Variants in KIRREL3 observed in about 807,000 individuals in gnomAD.
The protein encoded by KIRREL3 is kirre like nephrin family adhesion molecule 3, also known as kin of IRRE-like protein 3.
A neutral mutation model predicts 89.7 loss-of-function variants in KIRREL3; 36 were observed. That is an observed-to-expected ratio of 0.40 (90% CI 0.31 to 0.53). The LOEUF (loss-of-function observed/expected upper bound fraction) is 0.53, where lower values mean the gene tolerates loss of function less well. Among genes scored for constraint, KIRREL3 ranks in the 20% least tolerant of loss-of-function variants. KIRREL3 has a pLI of 0.49. For missense variants in KIRREL3, 864 were observed against 1,056.6 expected (o/e 0.82, Z 2.53); for synonymous variants, 445 against 441.4 (o/e 1.01, Z -0.10).
At chr11:126,533,544 C>A (rs1269101918) in intron 2 of KIRREL3, among the ~76,000 whole-genome samples, 3 of 152,200 alleles carry the variant, frequency 2.0e-5, no homozygotes, top group African/African-American at 7.2e-5. Context: ...CCTATGTTCA[C>A]CTTCTTTAGC....
rs1056520935 is a variant in KIRREL3 at position 126,697,293 on chromosome 11, G to C, written c.56-134381C>G. Among the ~76,000 whole-genome samples, 29 of 152,344 alleles carry C rather than the reference G, an allele frequency of 1.9e-4. No homozygotes were observed. The highest frequency in any genetic ancestry group is 7.0e-4 in the African/African-American group (29 of 41,580). On this transcript the variant is annotated intron_variant, in intron 1 of 16. Transcript: ENST00000525144. The surrounding 1 kb of genome is among the most constrained non-coding windows in gnomAD (Gnocchi z 4.2). The stretch of plus-strand genomic sequence containing the variant: ...CCTCTATTGCCCTAGGCCCTGGGGT[G>C]AACTGCAGCCAGCACTGGCCTTGCC...
intron 1 of KIRREL3, among the ~76,000 whole-genome samples, chr11:126,629,148 G>A (rs1943912942): frequency 6.6e-6 from 1 of 152,172 alleles, no homozygotes; most frequent in Admixed American, 6.5e-5. Context: ...CAAAAAATGT[G>A]CGTCTCATAT....
rs372083696 is a variant in KIRREL3, at chr11:126,450,507, ATG to A, written c.849-1352_849-1351del. ...TGGGTGTGAGTGTGTGCATGTGTGC[ATG>A]TGTGTGTGTGCATCTGCGTATGTGT... On this transcript the variant is annotated intron_variant, in intron 7 of 16. Transcript: ENST00000525144. Among the ~76,000 whole-genome samples the A allele has an allele frequency of 7.5e-3, 902 of 120,684 alleles. 1 individual carries two copies. The highest frequency in any genetic ancestry group is 0.022 in the African/African-American group (741 of 33,864). 79.2% of individuals were successfully genotyped at this position (120,684 alleles called of 152,430 possible).
At chr11:126,500,913 T>G (rs1006279407) in intron 4 of KIRREL3, among the ~76,000 whole-genome samples, 1 of 152,230 alleles carries the variant, frequency 6.6e-6, no homozygotes, top group South Asian at 2.1e-4. Context: ...ATAATTTACT[T>G]CATTCACAGC....
In KIRREL3 at chr11:126,724,256, C is replaced by T. The variant is rs1167515608; in HGVS notation, c.56-161344G>A. The stretch of plus-strand genomic sequence containing the variant: ...CACTTTCTGTGTAAGATTTCTGATT[C>T]CTGTCTCCTGCAGGTTGGTTCATTT... On this transcript the variant is annotated intron_variant, in intron 1 of 16. Coordinates refer to ENST00000525144, the MANE Select transcript of KIRREL3 (RefSeq NM_032531.4). The surrounding 1 kb of genome is among the most constrained non-coding windows in gnomAD (Gnocchi z 4.3). Among the ~76,000 whole-genome samples, 2 of 152,240 alleles carry T rather than the reference C, an allele frequency of 1.3e-5. No individual in the cohort carries two copies. The highest frequency in any genetic ancestry group is 2.9e-5 in the Non-Finnish European group (2 of 68,040).
chr11:126,929,779 C>T (rs1007963519), intron 1 of KIRREL3, among the ~76,000 whole-genome samples: 2 of 152,210 alleles, frequency 1.3e-5, no homozygotes, highest in African/African-American at 4.8e-5. Context: ...TCAGGCTGCA[C>T]ATTTGCCTAA....
chr11:126,829,253 T>C (rs1195473841), intron 1 of KIRREL3, among the ~76,000 whole-genome samples: 1 of 152,186 alleles, frequency 6.6e-6, no homozygotes, highest in Admixed American at 6.5e-5. Context: ...ACAGGATCTG[T>C]CACGGGTGCT....
At chr11:126,442,301 A>C (rs2134182728) in intron 10 of KIRREL3, among the ~76,000 whole-genome samples, 4 of 95,772 alleles carry the variant, frequency 4.2e-5, no homozygotes, top group Admixed American at 2.8e-4. Flanking sequence ...CCCAACATGC[A>C]CAGACACACA....
chr11:126,500,739 C>A (rs79670389), intron 4 of KIRREL3, among the ~76,000 whole-genome samples: 99 of 133,056 alleles, frequency 7.4e-4, no homozygotes, highest in East Asian at 1.1e-3. Flanking sequence ...GACTTTAACT[C>A]AAAAAAAAAA....
In KIRREL3 at chr11:126,578,513, A is replaced by G. The variant is rs1941376120; in HGVS notation, c.56-15601T>C. On this transcript the variant is annotated intron_variant, in intron 1 of 16. Coordinates refer to ENST00000525144, the MANE Select transcript of KIRREL3 (RefSeq NM_032531.4). The surrounding 1 kb of genome is among the most constrained non-coding windows in gnomAD (Gnocchi z 4.9). ...TGCACATAGGTGGGGACGGGGTGAG[A>G]ACTTGGGGTGTGGCGTGTCCCTGTG... is the stretch of plus-strand genomic sequence containing the variant. 6.6e-6 allele frequency among the ~76,000 whole-genome samples: 1 copy of G among 152,138 alleles called. No homozygotes were observed. Among genetic ancestry groups the G allele is most frequent in the Admixed American group, 6.5e-5 (1 of 15,282 alleles).
intron 1 of KIRREL3, among the ~76,000 whole-genome samples, chr11:126,693,512 A>G (rs909669854): frequency 6.6e-6 from 1 of 152,154 alleles, no homozygotes; most frequent in African/African-American, 2.4e-5. Context: ...GGAGAGAAAG[A>G]GACTCTGCCG....
intron 1 of KIRREL3, among the ~76,000 whole-genome samples, chr11:126,859,595 C>T (rs896016172): frequency 6.6e-6 from 1 of 152,170 alleles, no homozygotes; most frequent in Non-Finnish European, 1.5e-5. Context: ...AGAAGCCACA[C>T]ACATAAACAC....
intron 1 of KIRREL3, among the ~76,000 whole-genome samples, chr11:126,584,897 CTTTTTCT>C (rs1045943523): frequency 2.7e-5 from 4 of 150,916 alleles, no homozygotes; most frequent in African/African-American, 9.7e-5. Context: ...AGGAAGTAAC[CTTTTTCT>C]TTTTTCTTTG....
In KIRREL3 at chr11:126,624,205, G is replaced by A. The variant is rs1038978333; in HGVS notation, c.56-61293C>T. 7.9e-5 allele frequency among the ~76,000 whole-genome samples: 12 copies of A among 152,100 alleles called. No homozygotes were observed. The highest frequency in any genetic ancestry group is 2.4e-4 in the African/African-American group (10 of 41,410). ...AGAATACAGGGAGCCAGGGGGTGGC[G>A]GTGTGGCGGGGAGGAGGCCAGAATG... On this transcript the variant is annotated intron_variant, in intron 1 of 16. Coordinates refer to ENST00000525144, the MANE Select transcript of KIRREL3 (RefSeq NM_032531.4). This position sits in a 1 kb window ranked among gnomAD's most constrained non-coding sequence, Gnocchi z 6.0.
chr11:126,613,893 T>TTTTTTTTTTG lies in KIRREL3; in HGVS notation c.56-50982_56-50981insCAAAAAAAAA, dbSNP rs371748740. On this transcript the variant is annotated intron_variant, in intron 1 of 16. Coordinates refer to ENST00000525144, the MANE Select transcript of KIRREL3 (RefSeq NM_032531.4). The stretch of plus-strand genomic sequence containing the variant: ...TTGCTTTTTTTTTTTTTTTTTTTTT[T>TTTTTTTTTTG]ATTTTTTTCCCCATAGCCTTTATCT... 2.4e-4 allele frequency among the ~76,000 whole-genome samples: 29 copies of TTTTTTTTTTG among 118,634 alleles called. 1 individual carries two copies. The highest frequency in any genetic ancestry group is 5.0e-4 in the South Asian group (2 of 3,990). The allele number at this position is 118,634 out of a possible 152,430, so 77.8% of individuals were successfully genotyped here. A position where few individuals can be genotyped will look rare whatever the true frequency, so the allele number is the denominator to read the frequency against.
In KIRREL3 at chr11:126,553,002, CAG is replaced by C. The variant is rs897565662; in HGVS notation, c.133+9831_133+9832del. On this transcript the variant is annotated intron_variant, in intron 2 of 16. Coordinates refer to ENST00000525144, the MANE Select transcript of KIRREL3 (RefSeq NM_032531.4). This position sits in a 1 kb window ranked among gnomAD's most constrained non-coding sequence, Gnocchi z 4.7. Reference sequence around the variant, plus strand: ...CTCTTCCCCAGATCAGCCAGAAAAACAGAGGAAAAAGTCTAGTGGGGACACTA... The same window carrying C: ...CTCTTCCCCAGATCAGCCAGAAAAACAGGAAAAAGTCTAGTGGGGACACTA... Among the ~76,000 whole-genome samples the C allele has an allele frequency of 5.3e-5, 8 of 152,180 alleles. No homozygotes were observed. The highest frequency in any genetic ancestry group is 1.9e-4 in the African/African-American group (8 of 41,446).
In KIRREL3 at chr11:126,740,684, T is replaced by G. The variant is rs1948952115; in HGVS notation, c.56-177772A>C. ...TGCTAGTAGAGGGGCTCTAGTAGGG[T>G]GTCTTGATGGGGCACAGGGGATGGG... is the stretch of plus-strand genomic sequence containing the variant. On this transcript the variant is annotated intron_variant, in intron 1 of 16. Transcript: ENST00000525144. This position sits in a 1 kb window ranked among gnomAD's most constrained non-coding sequence, Gnocchi z 6.0. 6.6e-6 allele frequency among the ~76,000 whole-genome samples: 1 copy of G among 152,064 alleles called. No homozygotes were observed. Among genetic ancestry groups the G allele is most frequent in the African/African-American group, 2.4e-5 (1 of 41,478 alleles).
Position 126,983,875 on chromosome 11 carries a change from C to T in KIRREL3, c.55+16580G>A, listed in dbSNP as rs550219880. ...ATAGCCTTTCTCAACTGAGATTCCT[C>T]CTCTGAACCAGAGAACCCCGAGAAT... On this transcript the variant is annotated intron_variant, in intron 1 of 16. Transcript: ENST00000525144. The surrounding 1 kb of genome is among the most constrained non-coding windows in gnomAD (Gnocchi z 4.9). Among the ~76,000 whole-genome samples the T allele has an allele frequency of 1.3e-5, 2 of 152,244 alleles. No individual in the cohort carries two copies. Among genetic ancestry groups the T allele is most frequent in the Admixed American group, 1.3e-4 (2 of 15,294 alleles).
chr11:126,926,608 G>A (rs1947725799), intron 1 of KIRREL3, among the ~76,000 whole-genome samples: 1 of 152,140 alleles, frequency 6.6e-6, no homozygotes, highest in Non-Finnish European at 1.5e-5. Context: ...TCCTGCCCCG[G>A]TGACTTGCTG....
Sources: gnomAD v4.1 joint callset for allele counts (sites outside exome capture counted in the v4.1 genomes callset) on GRCh38, gnomAD v4.1.1 for gene constraint, Gnocchi (gnomAD v3.1) non-coding constraint, MANE v1.5 for transcripts, NCBI Gene and HGNC (gene_info 2026-07-23, HGNC 2026-07-21) for gene names.